Variants in BICD1 observed in about 807,000 individuals in gnomAD.
The protein encoded by BICD1 is BICD cargo adaptor 1, also known as protein bicaudal D homolog 1.
In BICD1, 35 loss-of-function variants were observed where a neutral mutation model predicts 92.5. That is an observed-to-expected ratio of 0.38 (90% CI 0.29 to 0.50). The LOEUF (loss-of-function observed/expected upper bound fraction) is 0.50, where lower values mean the gene tolerates loss of function less well. BICD1 is among the 20% of genes least tolerant of loss of function. The pLI is 0.93. For synonymous variants in BICD1, 429 were observed against 465.1 expected (o/e 0.92, Z 1.00); for missense variants, 950 against 1,189.8 (o/e 0.80, Z 2.97).
intron 1 of BICD1, among the ~76,000 whole-genome samples, chr12:32,111,962 C>G (rs1941711061): frequency 7.0e-6 from 1 of 143,798 alleles, no homozygotes; most frequent in Non-Finnish European, 1.5e-5. Context: ...AATCACATTT[C>G]TTTTTTTCTG....
At chr12:32,221,472 G>A (rs1438824987) in intron 2 of BICD1, among the ~76,000 whole-genome samples, 1 of 151,568 alleles carries the variant, frequency 6.6e-6, no homozygotes. Flanking sequence ...TCACAAGGTC[G>A]TGAGTTCAAG....
At chr12:32,186,685 T>C (rs1394039381) in intron 1 of BICD1, among the ~76,000 whole-genome samples, 13 of 152,242 alleles carry the variant, frequency 8.5e-5, no homozygotes, top group African/African-American at 2.9e-4. Flanking sequence ...TGCCAAAGTA[T>C]AATTGTGGTC....
At chr12:32,290,565 C>T (rs1947698981) in intron 2 of BICD1, among the ~76,000 whole-genome samples, 1 of 152,178 alleles carries the variant, frequency 6.6e-6, no homozygotes, top group Non-Finnish European at 1.5e-5. Flanking sequence ...CTTGCTCCAC[C>T]CCCAGCTTTG....
At chr12:32,253,770 G>A (rs1167210289) in intron 2 of BICD1, among the ~76,000 whole-genome samples, 1 of 151,968 alleles carries the variant, frequency 6.6e-6, no homozygotes, top group African/African-American at 2.4e-5. Flanking sequence ...TCATATTCAT[G>A]CTGTATCTCA....
chr12:32,282,920 T>C, intron 2 of BICD1, among the ~76,000 whole-genome samples: 1 of 152,210 alleles, frequency 6.6e-6, no homozygotes, highest in South Asian at 2.1e-4. Context: ...AGGAGGAATG[T>C]GATTTAAGAA....
chr12:32,222,949 T>A lies in BICD1; in HGVS notation c.426+6490T>A, dbSNP rs375788188. 4.6e-5 allele frequency among the ~76,000 whole-genome samples: 7 copies of A among 152,330 alleles called. No homozygotes were observed. In the East Asian group the frequency reaches 1.3e-3, roughly 29 times the overall value. ...CCTCCAGAACTGTGATCAATAAATT[T>A]GTGTGTTTTTATAAATTCTAATGCA... On this transcript the variant is annotated intron_variant, in intron 2 of 9. Transcript: ENST00000652176.
chr12:32,328,261 T>C lies in BICD1; in HGVS notation c.1806T>C (p.Pro602=). The change falls in exon 5 of 10, where the codon CCT becomes CCC. Residue 602 remains proline (P), a synonymous_variant. Transcript: ENST00000652176. This position sits in a 1 kb window ranked among gnomAD's most constrained non-coding sequence, Gnocchi z 4.4. The part of the protein sequence containing the change: ...PSPTKTPTIS[P]VITAPPSSPV... ...CAACTAAGACCCCCACAATCTCTCC[T>C]GTTATTACTGCCCCACCGTCATCTC... is the stretch of plus-strand genomic sequence containing the variant. The C allele has an allele frequency of 1.9e-6, 3 of 1,614,146 alleles. No individual in the cohort carries two copies. The highest frequency in any genetic ancestry group is 2.5e-6 in the Non-Finnish European group (3 of 1,180,008).
chr12:32,197,628 G>A (rs190601688), intron 1 of BICD1, among the ~76,000 whole-genome samples: 54 of 152,308 alleles, frequency 3.5e-4, no homozygotes, highest in Admixed American at 2.9e-3. Context: ...CAATTAATAT[G>A]TATAGCTTAA....
intron 8 of BICD1, chr12:32,340,410 G>C: frequency 2.0e-6 from 2 of 985,358 alleles, no homozygotes; most frequent in Non-Finnish European, 2.4e-6. Context: ...AATCACCAAA[G>C]TGGTAATGAT....
intron 2 of BICD1, among the ~76,000 whole-genome samples, chr12:32,259,429 G>A (rs1007935035): frequency 1.3e-5 from 2 of 152,192 alleles, no homozygotes; most frequent in East Asian, 3.8e-4. Flanking sequence ...AGTGGACTGA[G>A]GCTTGGTTAT....
chr12:32,216,522 A>AT, intron 2 of BICD1, 63 bp downstream of exon 2: 1 of 1,512,324 alleles, frequency 6.6e-7, no homozygotes, highest in Non-Finnish European at 9.0e-7. Flanking sequence ...TTCTCTCCAT[A>AT]GCAGAGAGGA....
At chr12:32,315,696 C>CT (rs1948480143) in intron 4 of BICD1, among the ~76,000 whole-genome samples, 1 of 152,096 alleles carries the variant, frequency 6.6e-6, no homozygotes, top group African/African-American at 2.4e-5. Context: ...GAATGTTCGT[C>CT]TAGACTTTTT....
chr12:32,143,429 A>AT (rs1217846796), intron 1 of BICD1, among the ~76,000 whole-genome samples: 1 of 152,182 alleles, frequency 6.6e-6, no homozygotes, highest in Non-Finnish European at 1.5e-5. Flanking sequence ...TGCATATATT[A>AT]TTTAATGCTT....
chr12:32,305,877 C>G lies in BICD1; in HGVS notation c.760C>G (p.Gln254Glu), dbSNP rs200338023. Residue 254 changes from glutamine to glutamate, a missense_variant, in exon 4 of 10, where the codon CAG becomes GAG. By Grantham distance (29) the Gln-to-Glu change is conservative. Coordinates refer to ENST00000652176, the MANE Select transcript of BICD1 (RefSeq NM_001714.4). ...GAACAACCTGCGGAAGGAGCTCTCC[C>G]AGTATATCAGCCTCAATGATAACCA... ...QKNNLRKELS[Q>E]YISLNDNHIS... The G allele has an allele frequency of 8.7e-6, 14 of 1,614,154 alleles. No individual in the cohort carries two copies. The highest frequency in any genetic ancestry group is 1.2e-5 in the Non-Finnish European group (14 of 1,180,034).
At position 32,317,678 on chromosome 12, in the gene BICD1, A is replaced by G. The variant is rs191406289; in HGVS notation, c.1006-9783A>G. 5.3e-5 allele frequency among the ~76,000 whole-genome samples: 8 copies of G among 152,174 alleles called. No individual in the cohort carries two copies. The East Asian group carries it at 1.5e-3, about 29-fold the overall frequency. ...CTGTAGGTTGCCTGTTCACTCTGAT[A>G]GTAGTTTCTTTTGCTGTGCAGAAGC... is the stretch of plus-strand genomic sequence containing the variant. On this transcript the variant is annotated intron_variant, in intron 4 of 9. Transcript: ENST00000652176.
Position 32,107,585 on chromosome 12 carries a change from C to T in BICD1, c.213+41C>T, listed in dbSNP as rs200299375. The T allele has an allele frequency of 1.1e-5, 17 of 1,538,018 alleles. No individual in the cohort carries two copies. The South Asian group carries it at 1.7e-4, about 15-fold the overall frequency. On this transcript the variant is annotated intron_variant, in intron 1 of 9. Transcript: ENST00000652176. ...CCTCTCCCTTTCCTGGCCCTCACTCCCCCCACCCGCAAGGCCCACTCATCA... is the reference window on the plus strand; with the variant it reads ...CCTCTCCCTTTCCTGGCCCTCACTCTCCCCACCCGCAAGGCCCACTCATCA...
At chr12:32,137,640 A>G (rs996190221) in intron 1 of BICD1, among the ~76,000 whole-genome samples, 1 of 152,098 alleles carries the variant, frequency 6.6e-6, no homozygotes, top group Non-Finnish European at 1.5e-5. Context: ...TTGCTACTGT[A>G]TCATAATAAT....
At chr12:32,118,356 C>T (rs1353068193) in intron 1 of BICD1, among the ~76,000 whole-genome samples, 2 of 152,254 alleles carry the variant, frequency 1.3e-5, no homozygotes, top group East Asian at 3.9e-4. Flanking sequence ...GCTGGGATTA[C>T]AGGTGTGAGC....
chr12:32,116,118 A>T (rs1941880669), intron 1 of BICD1, among the ~76,000 whole-genome samples: 1 of 152,056 alleles, frequency 6.6e-6, no homozygotes, highest in Admixed American at 6.6e-5. Flanking sequence ...TCCTCTTGGG[A>T]TTTAATTAAG....
Sources: gnomAD v4.1 joint callset for allele counts (sites outside exome capture counted in the v4.1 genomes callset) on GRCh38, gnomAD v4.1.1 for gene constraint, Gnocchi (gnomAD v3.1) non-coding constraint, MANE v1.5 for transcripts, NCBI Gene and HGNC (gene_info 2026-07-23, HGNC 2026-07-21) for gene names.